The following ROBO2 variants were observed in gnomAD, a reference collection of about 807,000 sequenced individuals.
ROBO2 encodes roundabout homolog 2.
ROBO2 carries 53 observed loss-of-function variants against 160.8 expected under a neutral mutation model. The observed-to-expected ratio is 0.33, with a 90% CI of 0.26 to 0.41. The LOEUF (loss-of-function observed/expected upper bound fraction) is 0.41, where lower values mean the gene tolerates loss of function less well. ROBO2 is among the 10% of genes least tolerant of loss of function. ROBO2 has a pLI of 1.00. For missense variants in ROBO2, 1,577 were observed against 1,722.4 expected (o/e 0.92, Z 1.49); for synonymous variants, 664 against 611.7 (o/e 1.09, Z -1.26).
chr3:77,217,908 A>G (rs1358893027), intron 2 of ROBO2, among the ~76,000 whole-genome samples: 1 of 152,264 alleles, frequency 6.6e-6, no homozygotes, highest in African/African-American at 2.4e-5. Flanking sequence ...GAAATATTAC[A>G]GACAGGAGTA....
intron 2 of ROBO2, among the ~76,000 whole-genome samples, chr3:77,444,462 A>G (rs1188831991): frequency 1.3e-5 from 2 of 152,194 alleles, no homozygotes; most frequent in Non-Finnish European, 2.9e-5. Flanking sequence ...AACAGCCTCA[A>G]TAACTCTGTT....
chr3:76,065,192 A>T (rs545805702), intron 2 of ROBO2, among the ~76,000 whole-genome samples: 1 of 152,194 alleles, frequency 6.6e-6, no homozygotes, highest in Admixed American at 6.5e-5. Flanking sequence ...CTCCGTTGTC[A>T]GAGTTAACTA....
At chr3:77,019,694 A>G (rs570546860) in intron 2 of ROBO2, among the ~76,000 whole-genome samples, 34 of 152,344 alleles carry the variant, frequency 2.2e-4, no homozygotes, top group South Asian at 1.2e-3. Flanking sequence ...TCAGGATTTT[A>G]TCACTTTTAG....
intron 2 of ROBO2, among the ~76,000 whole-genome samples, chr3:76,817,677 C>G (rs1168324480): frequency 6.6e-6 from 1 of 151,976 alleles, no homozygotes; most frequent in African/African-American, 2.4e-5. Flanking sequence ...CCCCAAAGTC[C>G]ATTGTATCAT....
intron 2 of ROBO2, among the ~76,000 whole-genome samples, chr3:77,244,768 C>T (rs1322135933): frequency 6.6e-6 from 1 of 151,454 alleles, no homozygotes; most frequent in Non-Finnish European, 1.5e-5. Context: ...GTCCCAGCTA[C>T]TCGGGAGGCT....
intron 2 of ROBO2, among the ~76,000 whole-genome samples, chr3:76,029,458 T>A (rs951506780): frequency 6.6e-6 from 1 of 152,126 alleles, no homozygotes; most frequent in African/African-American, 2.4e-5. Flanking sequence ...GTTGGTGTGC[T>A]GTACCCATTA....
At chr3:77,329,584 G>T (rs931456838) in intron 2 of ROBO2, among the ~76,000 whole-genome samples, 2 of 152,152 alleles carry the variant, frequency 1.3e-5, no homozygotes, top group Non-Finnish European at 2.9e-5. Context: ...GTTCAGTGTA[G>T]TGACAGTGAT....
intron 2 of ROBO2, among the ~76,000 whole-genome samples, chr3:76,316,996 C>A (rs950236264): frequency 1.3e-5 from 2 of 152,186 alleles, no homozygotes; most frequent in Non-Finnish European, 2.9e-5. Flanking sequence ...ATGCTTCTAA[C>A]CTGCATGCTT....
chr3:77,488,770 C>T (rs1446744874), intron 4 of ROBO2, among the ~76,000 whole-genome samples: 5 of 152,110 alleles, frequency 3.3e-5, no homozygotes, highest in South Asian at 2.1e-4. Flanking sequence ...CTTATTGTAA[C>T]GGTTGCCACT....
At chr3:77,610,382 A>C (rs1013731850) in intron 21 of ROBO2, among the ~76,000 whole-genome samples, 2 of 152,080 alleles carry the variant, frequency 1.3e-5, no homozygotes, top group Admixed American at 6.6e-5. Context: ...ACACACACAC[A>C]TGCACACACA....
At chr3:77,554,374 T>G (rs968799788) in intron 8 of ROBO2, among the ~76,000 whole-genome samples, 1 of 152,012 alleles carries the variant, frequency 6.6e-6, no homozygotes, top group South Asian at 2.1e-4. Context: ...ACACAACATC[T>G]GTTCAGCAGC....
intron 2 of ROBO2, among the ~76,000 whole-genome samples, chr3:76,321,148 G>A (rs1313638325): frequency 6.6e-6 from 1 of 152,072 alleles, no homozygotes; most frequent in Non-Finnish European, 1.5e-5. Context: ...CCAGTTCCTA[G>A]GCTCTAAATA....
intron 2 of ROBO2, among the ~76,000 whole-genome samples, chr3:76,252,999 C>G (rs1451630683): frequency 6.6e-6 from 1 of 151,932 alleles, no homozygotes; most frequent in Non-Finnish European, 1.5e-5. Context: ...AAGGCCCCCC[C>G]ACATTATCAA....
intron 2 of ROBO2, among the ~76,000 whole-genome samples, chr3:77,102,913 A>G (rs1222468600): frequency 6.6e-6 from 1 of 152,084 alleles, no homozygotes; most frequent in Non-Finnish European, 1.5e-5. Context: ...CTCAAAAATA[A>G]TCTCTAGGCA....
At chr3:77,282,072 T>A (rs545397421) in intron 2 of ROBO2, among the ~76,000 whole-genome samples, 2 of 152,266 alleles carry the variant, frequency 1.3e-5, no homozygotes, top group Non-Finnish European at 2.9e-5. Flanking sequence ...GCTATGTAAA[T>A]AGTTAATACT....
chr3:76,460,152 A>T (rs962689093), intron 2 of ROBO2, among the ~76,000 whole-genome samples: 2 of 152,128 alleles, frequency 1.3e-5, no homozygotes, highest in African/African-American at 4.8e-5. Context: ...TTATAAAAAA[A>T]AACTGAGCAC....
At chr3:75,932,319 T>A (rs538361611) in intron 1 of ROBO2, among the ~76,000 whole-genome samples, 1 of 152,346 alleles carries the variant, frequency 6.6e-6, no homozygotes, top group African/African-American at 2.4e-5. Context: ...TATTTTAATT[T>A]GTTTTTCACT....
At chr3:76,731,742 C>G (rs2093640728) in intron 2 of ROBO2, among the ~76,000 whole-genome samples, 1 of 152,154 alleles carries the variant, frequency 6.6e-6, no homozygotes, top group African/African-American at 2.4e-5. Flanking sequence ...CTTTCTGGTA[C>G]TCATACAATT....
At chr3:77,111,132 A>G (rs1215175667) in intron 2 of ROBO2, among the ~76,000 whole-genome samples, 5 of 152,210 alleles carry the variant, frequency 3.3e-5, no homozygotes, top group Non-Finnish European at 5.9e-5. Flanking sequence ...TCTTTTAAAG[A>G]TCTTGTTTAT....
Sources: allele counts gnomAD v4.1 joint callset (sites outside exome capture counted in the v4.1 genomes callset), GRCh38; gene constraint gnomAD v4.1.1; transcripts MANE v1.5; gene names NCBI Gene and HGNC (gene_info 2026-07-23, HGNC 2026-07-21).